The following ADGRA2 variants were observed in gnomAD, a reference collection of about 807,000 sequenced individuals.
ADGRA2 encodes adhesion G protein-coupled receptor A2.
In ADGRA2, 61 loss-of-function variants were observed where a neutral mutation model predicts 98.7. That is an observed-to-expected ratio of 0.62 (90% confidence interval 0.50 to 0.76). The LOEUF (loss-of-function observed/expected upper bound fraction) is 0.76. Ranked by LOEUF, ADGRA2 falls within the 30% of genes least tolerant of loss-of-function variation. The pLI is 0.00. For missense variants in ADGRA2, 1,712 were observed against 1,860.0 expected, an observed-to-expected ratio of 0.92 and a Z score of 1.46; for synonymous variants, 858 against 831.5, an observed-to-expected ratio of 1.03 and a Z score of -0.55.
intron 2 of ADGRA2, among the ~76,000 whole-genome samples, chr8:37,821,840 C>T (rs964038939): frequency 3.9e-5 from 6 of 152,264 alleles, no homozygotes; most frequent in East Asian, 1.9e-4. Context: ...CTCATGGGAA[C>T]GAACGAAAGT....
chr8:37,806,749 C>T lies in ADGRA2; in HGVS notation c.267-8147C>T, dbSNP rs200378612. Among the ~76,000 whole-genome samples, 4 of 152,008 alleles carry T rather than the reference C, an allele frequency of 2.6e-5. No homozygotes were observed. The South Asian group carries it at 6.2e-4, about 24-fold the overall frequency. On this transcript the variant is annotated intron_variant, in intron 1 of 18. Transcript: ENST00000412232. ...TTCACCATGTTGGCCAGGCTGGTCT[C>T]GAACTCCTGACCTCAAGTGATCCAT...
chr8:37,838,153 G>C (rs969904093), intron 14 of ADGRA2, among the ~76,000 whole-genome samples: 2 of 152,142 alleles, frequency 1.3e-5, no homozygotes, highest in Non-Finnish European at 2.9e-5. Flanking sequence ...CGGCCTCCAT[G>C]CCTATATCCA....
chr8:37,817,474 G>GC (rs2129959428), intron 2 of ADGRA2, among the ~76,000 whole-genome samples: 1 of 151,994 alleles, frequency 6.6e-6, no homozygotes, highest in East Asian at 1.9e-4. Flanking sequence ...GCTTTGGGAG[G>GC]CAGGCAGATT....
At chr8:37,806,513 CT>C (rs1246419562) in intron 1 of ADGRA2, among the ~76,000 whole-genome samples, 2 of 103,234 alleles carry the variant, frequency 1.9e-5, no homozygotes, top group Non-Finnish European at 3.9e-5. Flanking sequence ...TTTTCTTTTT[CT>C]TTTTTCTTTT....
chr8:37,832,154 T>C (rs1056502053), intron 8 of ADGRA2, among the ~76,000 whole-genome samples: 3 of 150,038 alleles, frequency 2.0e-5, no homozygotes, highest in Non-Finnish European at 3.0e-5. Flanking sequence ...CACTCTGGAG[T>C]GCAATGGCAT....
intron 11 of ADGRA2, 83 bp from the exon 12 acceptor site, chr8:37,835,091 A>G (rs1805566678): frequency 1.0e-6 from 1 of 957,848 alleles, no homozygotes; most frequent in Non-Finnish European, 1.7e-6. Context: ...CTACAGCCTG[A>G]GCAGGCCCAT....
chr8:37,828,145 C>CAA (rs1248346680), intron 2 of ADGRA2, among the ~76,000 whole-genome samples: 1 of 151,874 alleles, frequency 6.6e-6, no homozygotes, highest in Non-Finnish European at 1.5e-5. Context: ...GCCTCAAAAA[C>CAA]AAAACAAAAC....
At position 37,797,532 on chromosome 8, in the gene ADGRA2, C is replaced by T; in HGVS notation, c.264C>T (p.Thr88=). ...EPGLLPNGTV[T]LLLSNNKITG... is the part of the protein sequence containing the mutation. ...GCCTTCTGCCTAACGGCACCGTTAC[C>T]CTGTGAGTACCCTACCAGGCCAGTT... The change falls in exon 1 of 19, where the codon ACC becomes ACT. Residue 88 remains threonine (T), a splice_region_variant and synonymous_variant. Coordinates refer to ENST00000412232, the MANE Select transcript of ADGRA2 (RefSeq NM_032777.10). This position sits in a 1 kb window ranked among gnomAD's most constrained non-coding sequence, Gnocchi z 5.3. 2 of 1,392,910 alleles carry T rather than the reference C, an allele frequency of 1.4e-6. No homozygotes were observed. Among genetic ancestry groups the T allele is most frequent in the South Asian group, 1.8e-5 (1 of 54,382 alleles). 86.3% of individuals were successfully genotyped at this position (1,392,910 alleles called of 1,614,324 possible).
At position 37,843,644 on chromosome 8, in the gene ADGRA2, T is replaced by A. The variant is rs1387484495; in HGVS notation, c.*1289T>A. On this transcript the variant is annotated 3_prime_UTR_variant, in exon 19 of 19. Transcript: ENST00000412232. ...CAGTCTTCACATCACTCTGGCCTCA[T>A]CACCAAGGTGACAGAGGACACAGGG... 2.0e-5 allele frequency: 3 copies of A among 152,206 alleles called. No individual in the cohort carries two copies. Among genetic ancestry groups the A allele is most frequent in the Non-Finnish European group, 4.4e-5 (3 of 68,020 alleles). The allele number at this position is 152,206 out of a possible 1,614,324, so 9.4% of individuals were successfully genotyped here. A position where few individuals can be genotyped will look rare whatever the true frequency, so the allele number is the denominator to read the frequency against.
In ADGRA2 at chr8:37,840,869, GC is replaced by G; in HGVS notation, c.2747+24del. Reference sequence around the variant, plus strand: ...CCCCTAGTGAGCACCCCTCCCTCCCGCCCCAAGCCTACCTACCTAACACCAG... The same window carrying G: ...CCCCTAGTGAGCACCCCTCCCTCCCGCCCAAGCCTACCTACCTAACACCAG... On this transcript the variant is annotated intron_variant, in intron 18 of 18. Coordinates refer to ENST00000412232, the MANE Select transcript of ADGRA2 (RefSeq NM_032777.10). 1.8e-6 allele frequency: 1 copy of G among 546,042 alleles called. No homozygotes were observed. 33.8% of individuals were successfully genotyped at this position (546,042 alleles called of 1,614,324 possible).
intron 1 of ADGRA2, among the ~76,000 whole-genome samples, chr8:37,799,250 C>T (rs1430033382): frequency 2.0e-5 from 3 of 152,118 alleles, no homozygotes; most frequent in Non-Finnish European, 4.4e-5. Flanking sequence ...TAGCGCGCGC[C>T]TGTAATCCCA....
At chr8:37,808,627 T>C (rs1804744585) in intron 1 of ADGRA2, among the ~76,000 whole-genome samples, 1 of 151,800 alleles carries the variant, frequency 6.6e-6, no homozygotes, top group South Asian at 2.1e-4. Flanking sequence ...TCAGCAGTGC[T>C]GTAACACCCA....
At chr8:37,803,568 C>A (rs1189970237) in intron 1 of ADGRA2, among the ~76,000 whole-genome samples, 1 of 152,198 alleles carries the variant, frequency 6.6e-6, no homozygotes, top group African/African-American at 2.4e-5. Context: ...TGCCTCCTCC[C>A]CTTCCTCCCT....
At position 37,833,077 on chromosome 8, in the gene ADGRA2, C is replaced by T; in HGVS notation, c.1165C>T (p.Pro389Ser). Reference protein sequence around the residue: ...SCLQYPFTSVPLGGGAPGTRA... With the variant: ...SCLQYPFTSVSLGGGAPGTRA... The stretch of plus-strand genomic sequence containing the variant: ...CCTGCAGTATCCCTTCACCTCAGTG[C>T]CCCTGGGCGGGGGTGCCCCGGGCAC... Residue 389 changes from proline (P) to serine (S), a missense_variant, in exon 9 of 19, where the codon CCC becomes TCC. Coordinates refer to ENST00000412232, the MANE Select transcript of ADGRA2 (RefSeq NM_032777.10). 6.2e-7 allele frequency: 1 copy of T among 1,612,904 alleles called. No homozygotes were observed. Among genetic ancestry groups the T allele is most frequent in the Non-Finnish European group, 8.5e-7 (1 of 1,179,818 alleles).
chr8:37,804,470 G>C (rs1804602876), intron 1 of ADGRA2, among the ~76,000 whole-genome samples: 1 of 152,218 alleles, frequency 6.6e-6, no homozygotes. Context: ...GGGAGTTTAA[G>C]CGGCCTGACC....
At chr8:37,822,294 C>G (rs1415964212) in intron 2 of ADGRA2, among the ~76,000 whole-genome samples, 1 of 151,916 alleles carries the variant, frequency 6.6e-6, no homozygotes, top group African/African-American at 2.4e-5. Context: ...GCCTCCGAAC[C>G]TATAATTTGG....
intron 1 of ADGRA2, among the ~76,000 whole-genome samples, chr8:37,805,874 AAAACAAAC>A (rs758957752): frequency 1.4e-4 from 22 of 152,092 alleles, no homozygotes; most frequent in South Asian, 4.2e-4. Flanking sequence ...TTCTCAAACA[AAAACAAAC>A]AAACAAACAA....
Position 37,844,590 on chromosome 8 carries a change from C to T in ADGRA2, c.*2235C>T. 8 of 1,614,092 alleles carry T rather than the reference C, an allele frequency of 5.0e-6. No homozygotes were observed. Among genetic ancestry groups the T allele is most frequent in the Non-Finnish European group, 6.8e-6 (8 of 1,180,012 alleles). ...GGTACGCAAATACTGTTCTATTTCA[C>T]TATCAGAAATGTTCTCATCTCCAGT... On this transcript the variant is annotated 3_prime_UTR_variant, in exon 19 of 19. Coordinates refer to ENST00000412232, the MANE Select transcript of ADGRA2 (RefSeq NM_032777.10).
intron 17 of ADGRA2, 139 bp downstream of exon 17, chr8:37,840,405 C>A: frequency 1.1e-6 from 1 of 883,792 alleles, no homozygotes; most frequent in Non-Finnish European, 1.8e-6. Flanking sequence ...AGGCCCTAGA[C>A]TCAGCAGGTC....
Sources: allele counts gnomAD v4.1 joint callset (sites outside exome capture counted in the v4.1 genomes callset), GRCh38; gene constraint gnomAD v4.1.1; non-coding constraint Gnocchi (gnomAD v3.1); transcripts MANE v1.5; gene names NCBI Gene and HGNC (gene_info 2026-07-23, HGNC 2026-07-21).